Variants in SUPT3H observed in about 807,000 individuals in gnomAD.
The protein encoded by SUPT3H is transcription initiation protein SPT3 homolog.
SUPT3H carries 44 observed loss-of-function variants against 44.3 expected under a neutral mutation model. The observed-to-expected ratio is 0.99, with a 90% CI of 0.78 to 1.28. The LOEUF is 1.28. SUPT3H is among the 50% of genes most tolerant of loss of function. SUPT3H has a pLI of 0.00. For synonymous variants in SUPT3H, 124 were observed against 125.6 expected, an observed-to-expected ratio of 0.99 and a Z score of 0.09; for missense variants, 380 against 387.1, an observed-to-expected ratio of 0.98 and a Z score of 0.15.
intron 2 of SUPT3H, among the ~76,000 whole-genome samples, chr6:45,240,911 C>T (rs756610814): frequency 2.0e-5 from 3 of 152,090 alleles, no homozygotes; most frequent in Non-Finnish European, 2.9e-5. Flanking sequence ...TTGGATATTG[C>T]AAAATTAAAA....
At chr6:45,068,364 G>T (rs376526061) in intron 3 of SUPT3H, among the ~76,000 whole-genome samples, 2,236 of 142,268 alleles carry the variant, frequency 0.016, 38 homozygotes, top group South Asian at 0.077. Flanking sequence ...CCTAATGCTA[G>T]ATGACGAGTT....
chr6:45,187,037 C>T (rs552070627), intron 2 of SUPT3H, among the ~76,000 whole-genome samples: 4 of 141,738 alleles, frequency 2.8e-5, no homozygotes, highest in South Asian at 2.3e-4. Context: ...TGGGAGGCTG[C>T]GGCCAGTAGA....
chr6:45,303,716 C>T (rs930465041), intron 2 of SUPT3H, among the ~76,000 whole-genome samples: 2 of 150,784 alleles, frequency 1.3e-5, no homozygotes, highest in Non-Finnish European at 3.0e-5. Flanking sequence ...AAAGCCAGGC[C>T]GGGCACAGTG....
intron 8 of SUPT3H, 80 bp from the exon 9 acceptor site, chr6:44,953,497 C>T (rs1774635288): frequency 1.7e-5 from 19 of 1,098,108 alleles, no homozygotes; most frequent in East Asian, 7.2e-5. Flanking sequence ...AAAAGCAATA[C>T]ATTCTGAATG....
chr6:45,162,941 C>T (rs1328324824), intron 2 of SUPT3H, among the ~76,000 whole-genome samples: 1 of 152,176 alleles, frequency 6.6e-6, no homozygotes, highest in Non-Finnish European at 1.5e-5. Flanking sequence ...CAAAGACTGT[C>T]TGCATCCCTG....
chr6:45,188,790 T>C (rs1814674063), intron 2 of SUPT3H, among the ~76,000 whole-genome samples: 1 of 152,220 alleles, frequency 6.6e-6, no homozygotes, highest in Non-Finnish European at 1.5e-5. Context: ...CTGTACTCAT[T>C]GTGTACCTCA....
intron 3 of SUPT3H, among the ~76,000 whole-genome samples, chr6:45,093,851 A>ATGAGAATC (rs1797449900): frequency 6.6e-6 from 1 of 152,160 alleles, no homozygotes; most frequent in African/African-American, 2.4e-5. Flanking sequence ...CATAGAAAAA[A>ATGAGAATC]ACCTAATATG....
intron 3 of SUPT3H, among the ~76,000 whole-genome samples, chr6:45,080,382 G>C (rs1273805761): frequency 6.6e-6 from 1 of 152,034 alleles, no homozygotes; most frequent in Non-Finnish European, 1.5e-5. Context: ...CAGTTTGGAG[G>C]TTCCTCAGAA....
chr6:45,281,532 C>T (rs181302801), intron 2 of SUPT3H, among the ~76,000 whole-genome samples: 12 of 152,240 alleles, frequency 7.9e-5, no homozygotes, highest in African/African-American at 1.9e-4. Flanking sequence ...AAGGTGGCAG[C>T]GAGGTTGGGG....
chr6:44,863,739 G>GA (rs1160789596), intron 10 of SUPT3H, among the ~76,000 whole-genome samples: 4 of 151,542 alleles, frequency 2.6e-5, no homozygotes, highest in South Asian at 2.1e-4. Context: ...AATTTACAAA[G>GA]AAAAAGAGAT....
At chr6:45,154,586 T>C (rs757052766) in intron 2 of SUPT3H, among the ~76,000 whole-genome samples, 2 of 152,168 alleles carry the variant, frequency 1.3e-5, no homozygotes, top group Non-Finnish European at 2.9e-5. Context: ...AGGACAACTT[T>C]TGTTCACAGT....
chr6:44,906,540 G>T (rs1184860574), intron 10 of SUPT3H, among the ~76,000 whole-genome samples: 1 of 152,202 alleles, frequency 6.6e-6, no homozygotes, highest in Non-Finnish European at 1.5e-5. Flanking sequence ...GAGTTGGGCG[G>T]ATCACGAGGT....
At chr6:44,815,811 C>G (rs2153404008) in intron 11 of SUPT3H, among the ~76,000 whole-genome samples, 1 of 152,072 alleles carries the variant, frequency 6.6e-6, no homozygotes, top group East Asian at 1.9e-4. Flanking sequence ...CTGAATAACA[C>G]TGTTAGGTTG....
At chr6:44,863,561 G>A (rs1775009289) in intron 10 of SUPT3H, among the ~76,000 whole-genome samples, 1 of 152,120 alleles carries the variant, frequency 6.6e-6, no homozygotes, top group Non-Finnish European at 1.5e-5. Flanking sequence ...AAGACGTTGG[G>A]GTAGGAACAT....
intron 1 of SUPT3H, among the ~76,000 whole-genome samples, chr6:45,375,513 C>A (rs575978295): frequency 6.6e-6 from 1 of 152,268 alleles, no homozygotes; most frequent in Non-Finnish European, 1.5e-5. Flanking sequence ...TGCTCCAGAT[C>A]TAACAATTAT....
chr6:45,285,344 C>A (rs373823895), intron 2 of SUPT3H, among the ~76,000 whole-genome samples: 2,662 of 152,212 alleles, frequency 0.017, 49 homozygotes, highest in South Asian at 0.085. Flanking sequence ...CTAGAAAACC[C>A]CACCGTCTCA....
At chr6:45,187,283 C>T (rs1471175821) in intron 2 of SUPT3H, among the ~76,000 whole-genome samples, 7 of 151,684 alleles carry the variant, frequency 4.6e-5, no homozygotes, top group Admixed American at 3.9e-4. Flanking sequence ...GACCAGGTGG[C>T]GGGTGCTTGT....
At chr6:45,115,604 A>G (rs1009620249) in intron 2 of SUPT3H, among the ~76,000 whole-genome samples, 1 of 152,146 alleles carries the variant, frequency 6.6e-6, no homozygotes, top group Non-Finnish European at 1.5e-5. Flanking sequence ...AACAAACAAA[A>G]CAACTTCCAA....
chr6:45,116,139 A>G (rs950654116), intron 2 of SUPT3H, among the ~76,000 whole-genome samples: 1 of 152,176 alleles, frequency 6.6e-6, no homozygotes, highest in Non-Finnish European at 1.5e-5. Context: ...TTTATTTCAG[A>G]TACTGAATGA....
Sources: gnomAD v4.1 joint callset for allele counts (sites outside exome capture counted in the v4.1 genomes callset) on GRCh38, gnomAD v4.1.1 for gene constraint, MANE v1.5 for transcripts, NCBI Gene and HGNC (gene_info 2026-07-23, HGNC 2026-07-21) for gene names.